The following FAM83B variants were observed in gnomAD, a reference collection of about 807,000 sequenced individuals.
The protein encoded by FAM83B is protein FAM83B.
In FAM83B, 26 loss-of-function variants were observed where a neutral mutation model predicts 38.8. The observed-to-expected ratio is 0.67, with a 90% CI of 0.49 to 0.93. The LOEUF (loss-of-function observed/expected upper bound fraction) is 0.93, where lower values mean the gene tolerates loss of function less well. FAM83B is among the 40% of genes least tolerant of loss of function. FAM83B has a pLI of 0.00. For missense variants in FAM83B, 1,237 were observed against 1,197.3 expected, an observed-to-expected ratio of 1.03 and a Z score of -0.49; for synonymous variants, 419 against 423.1, an observed-to-expected ratio of 0.99 and a Z score of 0.12.
chr6:54,940,457 A>G lies in FAM83B; in HGVS notation c.1486A>G (p.Arg496Gly). 1 of 1,614,124 alleles carries G rather than the reference A, an allele frequency of 6.2e-7. No individual in the cohort carries two copies. The highest frequency in any genetic ancestry group is 8.5e-7 in the Non-Finnish European group (1 of 1,180,016). ...CACAAAGTCATTCCTACGTAACTGG[A>G]GAATTGAATCCTACTTAAATGATCA... ...HTTKSFLRNW[R>G]IESYLNDHSE... Residue 496 changes from arginine to glycine, a missense_variant, in exon 5 of 5, where the codon AGA becomes GGA. Coordinates refer to ENST00000306858, the MANE Select transcript of FAM83B (RefSeq NM_001010872.3).
intron 2 of FAM83B, among the ~76,000 whole-genome samples, chr6:54,923,597 AT>A (rs1773219267): frequency 6.6e-6 from 1 of 152,074 alleles, no homozygotes; most frequent in Non-Finnish European, 1.5e-5. Flanking sequence ...TTCTTAGTCT[AT>A]TTTATTTTCT....
chr6:54,882,295 C>T (rs1772151065), intron 2 of FAM83B, among the ~76,000 whole-genome samples: 1 of 152,134 alleles, frequency 6.6e-6, no homozygotes, highest in Non-Finnish European at 1.5e-5. Context: ...ACACCAGTAA[C>T]AGCTAATGTT....
At chr6:54,930,308 A>G (rs903286911) in intron 4 of FAM83B, among the ~76,000 whole-genome samples, 5 of 152,120 alleles carry the variant, frequency 3.3e-5, no homozygotes, top group Non-Finnish European at 7.4e-5. Context: ...CCAGTTGACC[A>G]CATAGATTTT....
At chr6:54,909,213 C>T (rs150972385) in intron 2 of FAM83B, among the ~76,000 whole-genome samples, 3 of 152,028 alleles carry the variant, frequency 2.0e-5, no homozygotes, top group African/African-American at 2.4e-5. Flanking sequence ...GAATATATGG[C>T]GGGTGACCTT....
At chr6:54,896,590 G>C (rs1772541694) in intron 2 of FAM83B, among the ~76,000 whole-genome samples, 9 of 152,172 alleles carry the variant, frequency 5.9e-5, no homozygotes. Context: ...GAGAAATACT[G>C]TTAAGAAGCG....
intron 2 of FAM83B, among the ~76,000 whole-genome samples, chr6:54,925,397 G>T (rs575517800): frequency 6.6e-6 from 1 of 152,080 alleles, no homozygotes; most frequent in African/African-American, 2.4e-5. Context: ...CCCATAGTAG[G>T]TGGTCAATAA....
At chr6:54,890,593 A>T (rs890135166) in intron 2 of FAM83B, among the ~76,000 whole-genome samples, 2 of 152,088 alleles carry the variant, frequency 1.3e-5, no homozygotes, top group Non-Finnish European at 2.9e-5. Flanking sequence ...GAATGCACTC[A>T]TCAGTTACAC....
chr6:54,936,430 G>T (rs1773526444), intron 4 of FAM83B, among the ~76,000 whole-genome samples: 1 of 151,660 alleles, frequency 6.6e-6, no homozygotes, highest in African/African-American at 2.4e-5. Flanking sequence ...ACTTTGGTTG[G>T]GCTCTTACTT....
In FAM83B at chr6:54,941,540, A is replaced by T. The variant is rs1340978076; in HGVS notation, c.2569A>T (p.Ile857Leu). Reference protein sequence around the residue: ...EDVTVSPSQEINAPPDENKRT... With the variant: ...EDVTVSPSQELNAPPDENKRT... Reference sequence around the variant, plus strand: ...TGTAACAGTTAGCCCATCTCAAGAGATAAATGCTCCACCAGATGAAAATAA... The same window carrying T: ...TGTAACAGTTAGCCCATCTCAAGAGTTAAATGCTCCACCAGATGAAAATAA... Residue 857 changes from isoleucine (I) to leucine (L), a missense_variant, in exon 5 of 5, where the codon ATA becomes TTA. By Grantham distance (5) the Ile-to-Leu change is conservative (BLOSUM62 2). Transcript: ENST00000306858. The T allele has an allele frequency of 2.5e-6, 4 of 1,613,992 alleles. No homozygotes were observed. Among genetic ancestry groups the T allele is most frequent in the Admixed American group, 1.7e-5 (1 of 59,964 alleles).
chr6:54,920,938 T>G (rs1478119514), intron 2 of FAM83B, among the ~76,000 whole-genome samples: 1 of 151,962 alleles, frequency 6.6e-6, no homozygotes, highest in East Asian at 1.9e-4. Context: ...ATTTTCAAGA[T>G]CTTTCATAAT....
chr6:54,919,976 A>G (rs1038099714), intron 2 of FAM83B, among the ~76,000 whole-genome samples: 27 of 151,978 alleles, frequency 1.8e-4, no homozygotes, highest in African/African-American at 6.0e-4. Flanking sequence ...ACCAGTAGAT[A>G]TATAGATATA....
At chr6:54,931,042 A>G (rs1561929050) in intron 4 of FAM83B, among the ~76,000 whole-genome samples, 1 of 151,904 alleles carries the variant, frequency 6.6e-6, no homozygotes, top group Non-Finnish European at 1.5e-5. Context: ...TTCCTTTGTG[A>G]CTTCTTCTTT....
rs199548974 is a variant in FAM83B at position 54,926,516 on chromosome 6, G to T, written c.590G>T (p.Cys197Phe). The change falls in exon 3 of 5, where the codon TGT (cysteine) becomes TTT (phenylalanine). Residue 197 changes from cysteine to phenylalanine, a missense_variant. Transcript: ENST00000306858. ...HFLNMTEKQG[C>F]SVQRLRNIRV... ...CTAAATATGACTGAGAAACAAGGTT[G>T]TTCAGTTCAGCGTCTCAGGGTAAGA... is the stretch of plus-strand genomic sequence containing the variant. 2.6e-4 allele frequency: 413 copies of T among 1,590,738 alleles called. No individual in the cohort carries two copies. Among genetic ancestry groups the T allele is most frequent in the Non-Finnish European group, 3.0e-4 (352 of 1,167,864 alleles).
At chr6:54,904,014 C>A (rs1772721875) in intron 2 of FAM83B, among the ~76,000 whole-genome samples, 1 of 151,688 alleles carries the variant, frequency 6.6e-6, no homozygotes, top group Admixed American at 6.6e-5. Context: ...AAACTGTCCT[C>A]TGCATCCTAG....
chr6:54,847,139 TCGTGGAGGCTG>T (rs903550286), intron 1 of FAM83B, among the ~76,000 whole-genome samples: 3 of 151,874 alleles, frequency 2.0e-5, no homozygotes, highest in African/African-American at 7.3e-5. Flanking sequence ...GCGCCGCCCC[TCGTGGAGGCTG>T]CATTTGTTTC....
chr6:54,852,080 C>T (rs1330696714), intron 1 of FAM83B, among the ~76,000 whole-genome samples: 4 of 142,214 alleles, frequency 2.8e-5, no homozygotes, highest in Admixed American at 2.1e-4. Flanking sequence ...TGCGCCTGGC[C>T]TATTTACAGT....
At chr6:54,937,108 A>T (rs1216666631) in intron 4 of FAM83B, among the ~76,000 whole-genome samples, 3 of 151,462 alleles carry the variant, frequency 2.0e-5, no homozygotes, top group Non-Finnish European at 4.4e-5. Flanking sequence ...TCCTTTATAG[A>T]AATAATAAGA....
intron 2 of FAM83B, among the ~76,000 whole-genome samples, chr6:54,876,190 T>G (rs1771988190): frequency 6.6e-6 from 1 of 151,270 alleles, no homozygotes; most frequent in Non-Finnish European, 1.5e-5. Flanking sequence ...TCAGTAAGTT[T>G]ATCAGAGTCT....
intron 2 of FAM83B, among the ~76,000 whole-genome samples, chr6:54,910,876 T>TA (rs1772891697): frequency 7.5e-6 from 1 of 132,662 alleles, no homozygotes; most frequent in Non-Finnish European, 1.6e-5. Context: ...TTTGAAGAAC[T>TA]GTTTTTTTTC....
Sources: gnomAD v4.1 joint callset for allele counts (sites outside exome capture counted in the v4.1 genomes callset) on GRCh38, gnomAD v4.1.1 for gene constraint, MANE v1.5 for transcripts, NCBI Gene and HGNC (gene_info 2026-07-23, HGNC 2026-07-21) for gene names.